Variants in BLK observed in about 807,000 individuals in gnomAD.
The protein encoded by BLK is BLK proto-oncogene, Src family tyrosine kinase, also known as tyrosine-protein kinase Blk.
A neutral mutation model predicts 61.8 loss-of-function variants in BLK; 64 were observed. The ratio of observed to expected loss-of-function variants is 1.03; its 90% CI spans 0.85 to 1.27. The LOEUF (loss-of-function observed/expected upper bound fraction) is 1.27, where lower values mean the gene tolerates loss of function less well. BLK is among the 50% of genes most tolerant of loss of function. The pLI, the probability that BLK is intolerant of heterozygous loss-of-function variation, is 0.00. For missense variants in BLK, 853 were observed against 660.5 expected (o/e 1.29, Z -3.19); for synonymous variants, 351 against 272.0 (o/e 1.29, Z -2.86).
intron 1 of BLK, among the ~76,000 whole-genome samples, chr8:11,518,009 A>G (rs941045240): frequency 1.3e-5 from 2 of 152,098 alleles, no homozygotes; most frequent in African/African-American, 4.8e-5. Context: ...CTTTGCTTTG[A>G]CCTCACTGTC....
chr8:11,561,295 C>G lies in BLK; in HGVS notation c.1030-7C>G, dbSNP rs1391091679. The G allele has an allele frequency of 6.2e-7, 1 of 1,612,276 alleles. No homozygotes were observed. Among genetic ancestry groups the G allele is most frequent in the Non-Finnish European group, 8.5e-7 (1 of 1,179,234 alleles). On this transcript the variant is annotated splice_polypyrimidine_tract_variant and splice_region_variant and intron_variant, in intron 10 of 12. Transcript: ENST00000259089. The stretch of plus-strand genomic sequence containing the variant: ...GGCTGTCCTTCACCATGTGCCTGTT[C>G]CCTCAGATTGCTGAAGGGATGGCAT...
chr8:11,518,400 T>G (rs1404363017), intron 1 of BLK, among the ~76,000 whole-genome samples: 1 of 152,204 alleles, frequency 6.6e-6, no homozygotes, highest in East Asian at 1.9e-4. Flanking sequence ...GTTCTGATTC[T>G]GAACACAGAC....
chr8:11,512,723 G>A lies in BLK; in HGVS notation c.-2+18132G>A, dbSNP rs559935023. Among the ~76,000 whole-genome samples the A allele has an allele frequency of 6.0e-4, 91 of 152,248 alleles. No homozygotes were observed. The Middle Eastern group carries it at 0.01, about 17-fold the overall frequency. ...CTGTCACCCAGGCTGGAGTGCAGTG[G>A]CACAATCTCGGCTCACCGCAACCTC... On this transcript the variant is annotated intron_variant, in intron 1 of 12. Transcript: ENST00000259089.
intron 1 of BLK, among the ~76,000 whole-genome samples, chr8:11,504,413 AAAAAAAAAG>A: frequency 7.4e-6 from 1 of 135,712 alleles, no homozygotes; most frequent in Non-Finnish European, 1.5e-5. Context: ...AAAGAAAAGA[AAAAAAAAAG>A]AAAAGATCCC....
rs1487732550 is a variant in BLK, at chr8:11,559,977, G to C, written c.1030-1325G>C. The C allele has an allele frequency of 1.3e-5, 5 of 377,270 alleles. No homozygotes were observed. The East Asian group carries it at 2.2e-4, about 16-fold the overall frequency. 23.4% of individuals were successfully genotyped at this position (377,270 alleles called of 1,614,324 possible). A position where few individuals can be genotyped will look rare whatever the true frequency, so the allele number is the denominator to read the frequency against. On this transcript the variant is annotated intron_variant, in intron 10 of 12. Coordinates refer to ENST00000259089, the MANE Select transcript of BLK (RefSeq NM_001715.3). ...TCAACATTTTTTAAAATATATTTCTGGTACTGTTCAATAAATATTAGTTAT... is the reference window on the plus strand; with the variant it reads ...TCAACATTTTTTAAAATATATTTCTCGTACTGTTCAATAAATATTAGTTAT...
rs1241343945 is a variant in BLK, at chr8:11,564,184, G to A, written c.*76G>A. The A allele has an allele frequency of 1.3e-6, 2 of 1,490,440 alleles. No individual in the cohort carries two copies. The highest frequency in any genetic ancestry group is 2.1e-4 in the Middle Eastern group (1 of 4,782). 92.3% of individuals were successfully genotyped at this position (1,490,440 alleles called of 1,614,324 possible). A position where few individuals can be genotyped will look rare whatever the true frequency, so the allele number is the denominator to read the frequency against. On this transcript the variant is annotated 3_prime_UTR_variant, in exon 13 of 13. Coordinates refer to ENST00000259089, the MANE Select transcript of BLK (RefSeq NM_001715.3). Reference sequence around the variant, plus strand: ...ACTTCCGTGCCATCCCAGACGGGCCGCGAAGGCGGGGTGTCGCCTGTGCCC... The same window carrying A: ...ACTTCCGTGCCATCCCAGACGGGCCACGAAGGCGGGGTGTCGCCTGTGCCC...
intron 10 of BLK, chr8:11,560,524 T>A (rs1801461270): frequency 3.6e-6 from 1 of 278,032 alleles, no homozygotes; most frequent in Non-Finnish European, 7.1e-6. Context: ...GTAAATGGGG[T>A]CTCTGCTTTC....
chr8:11,556,418 G>C, intron 8 of BLK: 1 of 565,556 alleles, frequency 1.8e-6, no homozygotes, highest in South Asian at 1.9e-5. Context: ...CCAGGGTGTG[G>C]GGCAAATAGG....
At chr8:11,535,292 G>GAAAGAAAGAAAT (rs1800078505) in intron 1 of BLK, among the ~76,000 whole-genome samples, 1 of 142,538 alleles carries the variant, frequency 7.0e-6, no homozygotes, top group Non-Finnish European at 1.5e-5. Context: ...AAGAAAGAAA[G>GAAAGAAAGAAAT]AAAGAAAGAA....
chr8:11,553,998 GCGAA>G (rs1379455790), intron 6 of BLK: 3 of 152,890 alleles, frequency 2.0e-5, no homozygotes, highest in Non-Finnish European at 2.9e-5. Flanking sequence ...CCAGCCTGCC[GCGAA>G]CTCTGCTGGG....
chr8:11,543,346 TG>T lies in BLK; in HGVS notation c.123+1del. ...AAGGACGCCCCGCCACTGCCGCCCC[TG>T]GTGAGTGATTGCCCACCCCCACCAA... ...QDKDAPPLPP[L>X]VVFNHLTPPP... is the part of the protein sequence containing the mutation. On this transcript the variant is annotated frameshift_variant and splice_region_variant, in exon 2 of 13. Coordinates refer to ENST00000259089, the MANE Select transcript of BLK (RefSeq NM_001715.3). LOFTEE classifies it high-confidence loss of function. 1 of 1,612,920 alleles carries T rather than the reference TG, an allele frequency of 6.2e-7. No homozygotes were observed. Among genetic ancestry groups the T allele is most frequent in the East Asian group, 2.2e-5 (1 of 44,884 alleles).
At chr8:11,521,869 G>A (rs1325951953) in intron 1 of BLK, among the ~76,000 whole-genome samples, 1 of 151,560 alleles carries the variant, frequency 6.6e-6, no homozygotes, top group Non-Finnish European at 1.5e-5. Flanking sequence ...TCTCTATCTT[G>A]GTTTTTTTTC....
At chr8:11,555,659 C>A in intron 8 of BLK, 175 bp downstream of exon 8, 1 of 1,037,706 alleles carries the variant, frequency 9.6e-7, no homozygotes, top group Non-Finnish European at 1.4e-6. Flanking sequence ...TGCAGAGCCG[C>A]GTTGTAACAG....
intron 1 of BLK, among the ~76,000 whole-genome samples, chr8:11,534,952 T>C (rs758180308): frequency 6.6e-6 from 1 of 152,138 alleles, no homozygotes; most frequent in African/African-American, 2.4e-5. Flanking sequence ...AGTGGGAGGA[T>C]TGCTTGAGTC....
chr8:11,548,053 T>A lies in BLK; in HGVS notation c.197T>A (p.Leu66Gln). The A allele has an allele frequency of 6.2e-7, 1 of 1,614,122 alleles. No individual in the cohort carries two copies. Among genetic ancestry groups the A allele is most frequent in the Non-Finnish European group, 8.5e-7 (1 of 1,180,002 alleles). ...LDEDKHFVVA[L>Q]YDYTAMNDRD... Reference sequence around the variant, plus strand: ...TTAGACAAGCATTTCGTGGTGGCTCTGTATGACTACACCGCTATGAATGAT... The same window carrying A: ...TTAGACAAGCATTTCGTGGTGGCTCAGTATGACTACACCGCTATGAATGAT... Residue 66 changes from leucine (L) to glutamine (Q), a missense_variant, in exon 4 of 13, where the codon CTG becomes CAG. Transcript: ENST00000259089.
At chr8:11,542,417 C>T (rs1473119146) in intron 1 of BLK, among the ~76,000 whole-genome samples, 26 of 152,118 alleles carry the variant, frequency 1.7e-4, no homozygotes, top group Admixed American at 1.6e-3. Context: ...AGGAAGAGCC[C>T]GATGTAAGTG....
chr8:11,551,055 T>C (rs774495928), intron 6 of BLK, among the ~76,000 whole-genome samples: 34 of 152,142 alleles, frequency 2.2e-4, no homozygotes, highest in Non-Finnish European at 2.8e-4. Context: ...CTGACTTGGA[T>C]GGAAATCCTT....
At chr8:11,510,526 G>T (rs144135434) in intron 1 of BLK, among the ~76,000 whole-genome samples, 1 of 152,148 alleles carries the variant, frequency 6.6e-6, no homozygotes, top group Non-Finnish European at 1.5e-5. Context: ...TTTGTGATAA[G>T]TGTATTTTAT....
At chr8:11,510,279 CT>C (rs1187011465) in intron 1 of BLK, among the ~76,000 whole-genome samples, 2 of 152,164 alleles carry the variant, frequency 1.3e-5, no homozygotes, top group Admixed American at 6.5e-5. Flanking sequence ...AGTTTTTCAT[CT>C]CTTTTCTCCA....
Sources: gnomAD v4.1 joint callset for allele counts (sites outside exome capture counted in the v4.1 genomes callset) on GRCh38, gnomAD v4.1.1 for gene constraint, MANE v1.5 for transcripts, NCBI Gene and HGNC (gene_info 2026-07-23, HGNC 2026-07-21) for gene names.